Variants in PRKAR2A observed in about 807,000 individuals in gnomAD.
PRKAR2A encodes protein kinase cAMP-dependent type II regulatory subunit alpha, also known as cAMP-dependent protein kinase type II-alpha regulatory subunit.
A neutral mutation model predicts 51.9 loss-of-function variants in PRKAR2A; 29 were observed. That is an observed-to-expected ratio of 0.56 (90% CI 0.42 to 0.76). The LOEUF (loss-of-function observed/expected upper bound fraction) is 0.76. PRKAR2A is among the 30% of genes least tolerant of loss of function. PRKAR2A has a pLI of 0.00. For synonymous variants in PRKAR2A, 178 were observed against 186.2 expected, an observed-to-expected ratio of 0.96 and a Z score of 0.36; for missense variants, 445 against 512.1, an observed-to-expected ratio of 0.87 and a Z score of 1.26.
intron 1 of PRKAR2A, among the ~76,000 whole-genome samples, chr3:48,819,337 C>A (rs1354741189): frequency 6.6e-6 from 1 of 152,152 alleles, no homozygotes; most frequent in Non-Finnish European, 1.5e-5. Context: ...TTGTTAGTTA[C>A]AATTTTTGAG....
intron 1 of PRKAR2A, among the ~76,000 whole-genome samples, chr3:48,826,492 C>T (rs1240069029): frequency 6.6e-6 from 1 of 152,130 alleles, no homozygotes; most frequent in Non-Finnish European, 1.5e-5. Context: ...ATTTACCTAC[C>T]AGGATGATCC....
rs549412652 is a variant in PRKAR2A, at chr3:48,846,463, C to T, written c.262+872G>A. Among the ~76,000 whole-genome samples the T allele has an allele frequency of 6.6e-5, 10 of 151,930 alleles. No homozygotes were observed. In the South Asian group the frequency reaches 1.7e-3, roughly 25 times the overall value. ...AACTCCTGACCTCAGGTGATCCACC[C>T]GCCTCGGCCTCCCAAAGTGCTGGGA... On this transcript the variant is annotated intron_variant, in intron 1 of 10. Transcript: ENST00000265563.
intron 1 of PRKAR2A, among the ~76,000 whole-genome samples, chr3:48,812,800 C>T (rs189519906): frequency 6.6e-6 from 1 of 152,246 alleles, no homozygotes; most frequent in East Asian, 1.9e-4. Flanking sequence ...ACTTTTACTA[C>T]TTTATTTGAT....
intron 8 of PRKAR2A, among the ~76,000 whole-genome samples, chr3:48,762,685 T>C (rs543549963): frequency 1.4e-4 from 21 of 152,110 alleles, no homozygotes; most frequent in African/African-American, 4.8e-4. Flanking sequence ...AGCTTGAACC[T>C]GGGAGGTGGA....
chr3:48,782,756 T>G (rs1331691354), intron 5 of PRKAR2A, among the ~76,000 whole-genome samples: 1 of 152,196 alleles, frequency 6.6e-6, no homozygotes, highest in Non-Finnish European at 1.5e-5. Context: ...GCGCCTGGCC[T>G]AAAGGAGACT....
At chr3:48,760,666 TAAA>T (rs534005882) in intron 8 of PRKAR2A, among the ~76,000 whole-genome samples, 3 of 106,934 alleles carry the variant, frequency 2.8e-5, no homozygotes, top group Non-Finnish European at 4.0e-5. Flanking sequence ...CTGTCTTTAC[TAAA>T]AAAAAAAAAA....
At chr3:48,806,292 T>C (rs1437580496) in intron 2 of PRKAR2A, among the ~76,000 whole-genome samples, 2 of 152,172 alleles carry the variant, frequency 1.3e-5, no homozygotes, top group African/African-American at 4.8e-5. Context: ...CAAGAAACCT[T>C]CCTAAAACAA....
At chr3:48,811,349 C>A (rs902648280) in intron 1 of PRKAR2A, among the ~76,000 whole-genome samples, 5 of 152,192 alleles carry the variant, frequency 3.3e-5, no homozygotes, top group African/African-American at 1.2e-4. Flanking sequence ...GCGGCTAATG[C>A]CTGTTGTCAC....
chr3:48,755,852 G>A (rs1277999317), intron 9 of PRKAR2A, among the ~76,000 whole-genome samples: 12 of 148,306 alleles, frequency 8.1e-5, no homozygotes, highest in Admixed American at 6.9e-4. Context: ...GATCTCAGCT[G>A]ACTGCAAGCT....
At chr3:48,745,878 A>C (rs1368727170), downstream of PRKAR2A, among the ~76,000 whole-genome samples, 3 of 152,172 alleles carry the variant, frequency 2.0e-5, no homozygotes, top group Non-Finnish European at 4.4e-5. Flanking sequence ...GAAGTAAAGT[A>C]GATGACCTTC....
intron 1 of PRKAR2A, among the ~76,000 whole-genome samples, chr3:48,826,879 T>A (rs559958187): frequency 2.0e-5 from 3 of 150,152 alleles, no homozygotes; most frequent in Non-Finnish European, 3.0e-5. Context: ...GGTTGTAAAT[T>A]TAAAAAAAAA....
At chr3:48,832,060 G>A (rs563646197) in intron 1 of PRKAR2A, among the ~76,000 whole-genome samples, 12 of 152,152 alleles carry the variant, frequency 7.9e-5, no homozygotes, top group East Asian at 1.9e-4. Flanking sequence ...TTGGGAGGCC[G>A]AGGCAGGTAG....
chr3:48,807,295 T>C (rs1284676826), intron 2 of PRKAR2A, among the ~76,000 whole-genome samples: 2 of 151,928 alleles, frequency 1.3e-5, no homozygotes, highest in Non-Finnish European at 2.9e-5. Context: ...GCACCAAAAC[T>C]GAGGAAATAA....
intron 1 of PRKAR2A, among the ~76,000 whole-genome samples, chr3:48,820,162 T>C (rs2082939199): frequency 6.6e-6 from 1 of 152,244 alleles, no homozygotes; most frequent in African/African-American, 2.4e-5. Flanking sequence ...TAGCTCGCTC[T>C]TTAGTTTGGA....
intron 5 of PRKAR2A, among the ~76,000 whole-genome samples, chr3:48,781,137 ATTTTTTTT>A (rs71077735): frequency 1.6e-5 from 2 of 124,324 alleles, no homozygotes. Flanking sequence ...TGCCTGGCTA[ATTTTTTTT>A]TTTTTTTTTT....
chr3:48,846,878 G>A (rs2083471783), intron 1 of PRKAR2A, among the ~76,000 whole-genome samples: 1 of 152,042 alleles, frequency 6.6e-6, no homozygotes. Context: ...TGGCATATAG[G>A]GATTCATCTC....
chr3:48,847,603 G>T lies in PRKAR2A; in HGVS notation c.-7C>A, dbSNP rs1575972360. ...GGATCTGGATGTGGCTCATGCCGGC[G>T]GCGGCCGAAGGGATAGACGGGTTGG... On this transcript the variant is annotated 5_prime_UTR_variant, in exon 1 of 11. Transcript: ENST00000265563. This position sits in a 1 kb window ranked among gnomAD's most constrained non-coding sequence, Gnocchi z 4.4. The T allele has an allele frequency of 6.8e-7, 1 of 1,474,014 alleles. No individual in the cohort carries two copies. The highest frequency in any genetic ancestry group is 1.4e-5 in the South Asian group (1 of 71,376). 91.3% of individuals were successfully genotyped at this position (1,474,014 alleles called of 1,614,324 possible). A position where few individuals can be genotyped will look rare whatever the true frequency, so the allele number is the denominator to read the frequency against.
intron 6 of PRKAR2A, among the ~76,000 whole-genome samples, chr3:48,768,694 A>AAAAT (rs982105268): frequency 4.0e-5 from 6 of 151,896 alleles, no homozygotes; most frequent in Admixed American, 1.3e-4. Flanking sequence ...ACTCCGTCTC[A>AAAAT]AAATAAATAA....
At chr3:48,752,465 AC>A (rs1305042109) in intron 9 of PRKAR2A, 148 bp from the exon 10 acceptor site, 1 of 825,128 alleles carries the variant, frequency 1.2e-6, no homozygotes, top group African/African-American at 1.8e-5. Flanking sequence ...TACCATGTAA[AC>A]TCCATGGACT....
Sources: gnomAD v4.1 joint callset for allele counts (sites outside exome capture counted in the v4.1 genomes callset) on GRCh38, gnomAD v4.1.1 for gene constraint, Gnocchi (gnomAD v3.1) non-coding constraint, MANE v1.5 for transcripts, NCBI Gene and HGNC (gene_info 2026-07-23, HGNC 2026-07-21) for gene names.